ZNF665: variants seen among roughly 807,000 people sequenced by gnomAD.
ZNF665 encodes the protein zinc finger protein 665.
A neutral mutation model predicts 7.9 loss-of-function variants in ZNF665; 6 were observed. The observed-to-expected ratio is 0.76, with a 90% CI of 0.42 to 1.50. The LOEUF is 1.50. Ranked by LOEUF, ZNF665 falls within the 40% of genes most tolerant of loss-of-function variation. The probability of loss-of-function intolerance (pLI) is 0.01; values close to 1 mark genes in which losing one functional copy is unlikely to be tolerated. For missense variants in ZNF665, 819 were observed against 806.7 expected (o/e 1.02, Z -0.18); for synonymous variants, 242 against 274.5 (o/e 0.88, Z 1.17).
At chr19:53,189,328 C>T (rs2090796743) in intron 1 of ZNF665, among the ~76,000 whole-genome samples, 1 of 151,734 alleles carries the variant, frequency 6.6e-6, no homozygotes. Flanking sequence ...CGGGGGACCA[C>T]TACCACCAAT....
intron 3 of ZNF665, among the ~76,000 whole-genome samples, chr19:53,174,198 G>T (rs1013257940): frequency 1.8e-4 from 27 of 152,122 alleles, no homozygotes; most frequent in African/African-American, 4.8e-4. Flanking sequence ...ATTTTTGATT[G>T]AATCAAGCAC....
At chr19:53,182,688 C>G (rs1487433005) in intron 2 of ZNF665, 196 bp downstream of exon 2, 1 of 1,099,610 alleles carries the variant, frequency 9.1e-7, no homozygotes, top group African/African-American at 1.5e-5. Context: ...CCCCGTGCAG[C>G]CTCTTCCCAA....
intron 1 of ZNF665, among the ~76,000 whole-genome samples, chr19:53,193,042 C>T (rs142272649): frequency 3.6e-4 from 54 of 152,078 alleles, no homozygotes; most frequent in African/African-American, 1.3e-3. Context: ...CTTCACAGGG[C>T]GCAGGTCAGT....
Position 53,165,689 on chromosome 19 carries a change from A to G in ZNF665, c.801T>C (p.Cys267=). 1.2e-6 allele frequency: 2 copies of G among 1,614,216 alleles called. No homozygotes were observed. Among genetic ancestry groups the G allele is most frequent in the African/African-American group, 1.3e-5 (1 of 75,056 alleles). ...TTGAATGTGCTCTAAAGGCTTTGCC[A>G]CACTCATTACACTTGTAAGGTTTCT... is the stretch of plus-strand genomic sequence containing the variant. The part of the protein sequence containing the change: ...TGEKPYKCNE[C]GKAFRAHSKL... Residue 267 remains cysteine (C), a synonymous_variant, in exon 4 of 4, where the codon TGT becomes TGC. Coordinates refer to ENST00000396424, the MANE Select transcript of ZNF665 (RefSeq NM_024733.5).
chr19:53,175,674 A>G, intron 2 of ZNF665, 103 bp from the exon 3 acceptor site: 1 of 1,290,776 alleles, frequency 7.7e-7, no homozygotes, highest in Non-Finnish European at 1.1e-6. Flanking sequence ...CAATTCACGT[A>G]AGCAGACTGA....
At chr19:53,175,597 A>C in intron 2 of ZNF665, 26 bp from the exon 3 acceptor site, 1 of 1,577,252 alleles carries the variant, frequency 6.3e-7, no homozygotes, top group Non-Finnish European at 8.6e-7. Context: ...CATTTCACCA[A>C]GTGACTATGA....
At chr19:53,185,617 T>A (rs1484136535) in intron 1 of ZNF665, among the ~76,000 whole-genome samples, 1 of 152,056 alleles carries the variant, frequency 6.6e-6, no homozygotes, top group Non-Finnish European at 1.5e-5. Flanking sequence ...CTGGGTGGCT[T>A]GCCACCCACA....
In ZNF665 at chr19:53,166,312, G is replaced by A. The variant is rs1013514462; in HGVS notation, c.178C>T (p.Pro60Ser). Reference protein sequence around the residue: ...SCKCVNTDLPPKGKNNMGEAF... With the variant: ...SCKCVNTDLPSKGKNNMGEAF... The stretch of plus-strand genomic sequence containing the variant: ...TCTCCCATATTGTTCTTCCCCTTTG[G>A]TGGCAAATCCGTGTTTACACATTTA... Residue 60 changes from proline (P) to serine (S), a missense_variant, in exon 4 of 4, where the codon CCA (proline) becomes TCA (serine). Coordinates refer to ENST00000396424, the MANE Select transcript of ZNF665 (RefSeq NM_024733.5). The A allele has an allele frequency of 1.6e-5, 26 of 1,593,860 alleles. No homozygotes were observed. Among genetic ancestry groups the A allele is most frequent in the Non-Finnish European group, 2.2e-5 (26 of 1,171,656 alleles).
chr19:53,181,063 A>T (rs2090734317), intron 2 of ZNF665: 1 of 152,200 alleles, frequency 6.6e-6, no homozygotes, highest in African/African-American at 2.4e-5. Context: ...ATATTAAACA[A>T]GAAAATTTCA....
chr19:53,192,853 C>T (rs1449907345), intron 1 of ZNF665, among the ~76,000 whole-genome samples: 1 of 151,754 alleles, frequency 6.6e-6, no homozygotes, highest in Admixed American at 6.6e-5. Flanking sequence ...GGGCCCGGCA[C>T]GAGGAGGAGG....
At chr19:53,175,662 T>G in intron 2 of ZNF665, 91 bp from the exon 3 acceptor site, 2 of 1,440,714 alleles carry the variant, frequency 1.4e-6, no homozygotes, top group Non-Finnish European at 1.9e-6. Context: ...TAAGAATAGG[T>G]TCAATTCACG....
intron 3 of ZNF665, among the ~76,000 whole-genome samples, chr19:53,174,478 C>T (rs1599876863): frequency 6.6e-6 from 1 of 152,172 alleles, no homozygotes. Context: ...TTCTCAAACA[C>T]TGTCTAATGA....
chr19:53,181,901 G>C (rs1043722988), intron 2 of ZNF665: 3 of 152,186 alleles, frequency 2.0e-5, no homozygotes, highest in African/African-American at 7.2e-5. Context: ...AGTCTAGTAG[G>C]AAAATACAGG....
chr19:53,182,867 C>A lies in ZNF665; in HGVS notation c.15+17G>T, dbSNP rs376685138. 6.2e-7 allele frequency: 1 copy of A among 1,613,184 alleles called. No homozygotes were observed. The highest frequency in any genetic ancestry group is 8.5e-7 in the Non-Finnish European group (1 of 1,179,996). Reference sequence around the variant, plus strand: ...AAAGGAAGGAGACAGAACAATCCACCGAGAATATCATCTCACCTGAGGAAG... The same window carrying A: ...AAAGGAAGGAGACAGAACAATCCACAGAGAATATCATCTCACCTGAGGAAG... On this transcript the variant is annotated intron_variant, in intron 2 of 3. Coordinates refer to ENST00000396424, the MANE Select transcript of ZNF665 (RefSeq NM_024733.5).
At chr19:53,177,536 CAAACAAAACA>C (rs150554635) in intron 2 of ZNF665, among the ~76,000 whole-genome samples, 2,670 of 149,204 alleles carry the variant, frequency 0.018, 63 homozygotes, top group African/African-American at 0.05. Context: ...AACAGGGAGA[CAAACAAAACA>C]AAACAAAACA....
At chr19:53,176,858 G>A (rs892878021) in intron 2 of ZNF665, among the ~76,000 whole-genome samples, 5 of 152,200 alleles carry the variant, frequency 3.3e-5, no homozygotes, top group East Asian at 1.9e-4. Flanking sequence ...GGTGGCTCAC[G>A]CCTGTAATCC....
chr19:53,174,481 TC>T, intron 3 of ZNF665, among the ~76,000 whole-genome samples: 1 of 152,316 alleles, frequency 6.6e-6, no homozygotes, highest in East Asian at 1.9e-4. Flanking sequence ...TCAAACACTG[TC>T]TAATGAGATG....
At chr19:53,181,715 C>T (rs2090739008) in intron 2 of ZNF665, 2 of 152,148 alleles carry the variant, frequency 1.3e-5, no homozygotes, top group Admixed American at 6.5e-5. Flanking sequence ...AATACGTTTC[C>T]AGACCTATTT....
chr19:53,166,777 A>T (rs2090618880), intron 3 of ZNF665, among the ~76,000 whole-genome samples: 1 of 152,236 alleles, frequency 6.6e-6, no homozygotes, highest in South Asian at 2.1e-4. Flanking sequence ...CTCTAATGGC[A>T]AATAACTCAC....
Sources: allele counts gnomAD v4.1 joint callset (sites outside exome capture counted in the v4.1 genomes callset), GRCh38; gene constraint gnomAD v4.1.1; transcripts MANE v1.5; gene names NCBI Gene and HGNC (gene_info 2026-07-23, HGNC 2026-07-21).